Variants in LRRC28 observed in about 807,000 individuals in gnomAD.
The protein encoded by LRRC28 is leucine-rich repeat-containing protein 28.
In LRRC28, 39 loss-of-function variants were observed where a neutral mutation model predicts 45.7. The ratio of observed to expected loss-of-function variants is 0.85; its 90% CI spans 0.66 to 1.12. The LOEUF (loss-of-function observed/expected upper bound fraction) is 1.12. Among genes scored for constraint, LRRC28 ranks in the 50% most tolerant of loss-of-function variants. The pLI, the probability that LRRC28 is intolerant of heterozygous loss-of-function variation, is 0.00. For missense variants in LRRC28, 435 were observed against 438.5 expected (o/e 0.99, Z 0.07); for synonymous variants, 206 against 178.8 (o/e 1.15, Z -1.22).
At chr15:99,343,811 C>T (rs888538318) in intron 6 of LRRC28, among the ~76,000 whole-genome samples, 9 of 152,126 alleles carry the variant, frequency 5.9e-5, no homozygotes, top group African/African-American at 2.2e-4. Context: ...GGTTTTTTAT[C>T]TTAAGAATAT....
intron 7 of LRRC28, among the ~76,000 whole-genome samples, chr15:99,357,692 AT>A (rs1184880891): frequency 6.6e-6 from 1 of 152,180 alleles, no homozygotes; most frequent in African/African-American, 2.4e-5. Flanking sequence ...ATATGATTAT[AT>A]TTTTAAATAA....
chr15:99,329,031 T>C (rs1443407056), intron 5 of LRRC28, among the ~76,000 whole-genome samples: 3 of 152,130 alleles, frequency 2.0e-5, no homozygotes, highest in African/African-American at 4.8e-5. Context: ...ACATATCTTA[T>C]TGGTTCTGTC....
At chr15:99,377,389 G>C (rs1482003347) in intron 9 of LRRC28, among the ~76,000 whole-genome samples, 1 of 152,102 alleles carries the variant, frequency 6.6e-6, no homozygotes, top group Non-Finnish European at 1.5e-5. Flanking sequence ...TTTTTGATGG[G>C]TCTGTTTTTT....
chr15:99,320,147 A>T (rs147514371), intron 5 of LRRC28, among the ~76,000 whole-genome samples: 73 of 152,302 alleles, frequency 4.8e-4, no homozygotes, highest in African/African-American at 1.6e-3. Context: ...ATATTTAATT[A>T]TCTTTTATAA....
At chr15:99,380,958 C>G (rs948703067) in intron 9 of LRRC28, among the ~76,000 whole-genome samples, 1 of 152,170 alleles carries the variant, frequency 6.6e-6, no homozygotes, top group African/African-American at 2.4e-5. Context: ...TCTGGCTGCC[C>G]TTAACATTTT....
chr15:99,347,128 A>G (rs1956709052), intron 6 of LRRC28, among the ~76,000 whole-genome samples: 1 of 151,866 alleles, frequency 6.6e-6, no homozygotes. Context: ...TGTTCATCCT[A>G]TATGTCTGCT....
chr15:99,367,879 T>C (rs1430615839), intron 9 of LRRC28, among the ~76,000 whole-genome samples: 1 of 152,000 alleles, frequency 6.6e-6, no homozygotes, highest in Non-Finnish European at 1.5e-5. Context: ...CCCCCTCCCC[T>C]CCCCAAAGGT....
chr15:99,360,627 A>G (rs114607507), intron 7 of LRRC28, among the ~76,000 whole-genome samples: 3,325 of 152,266 alleles, frequency 0.022, 113 homozygotes, highest in African/African-American at 0.075. Flanking sequence ...TTCAGAGCCA[A>G]GGTTTGTTGG....
chr15:99,306,926 C>T (rs1200829747), intron 5 of LRRC28, among the ~76,000 whole-genome samples: 3 of 152,300 alleles, frequency 2.0e-5, no homozygotes, highest in East Asian at 1.9e-4. Flanking sequence ...TGGTCCTTTT[C>T]GGGTCCATTG....
chr15:99,263,631 C>T (rs1293301999), intron 2 of LRRC28, among the ~76,000 whole-genome samples: 1 of 152,166 alleles, frequency 6.6e-6, no homozygotes, highest in Non-Finnish European at 1.5e-5. Flanking sequence ...CGTTCTGTAC[C>T]TTCACTGCCT....
chr15:99,304,811 A>G (rs374890541), intron 5 of LRRC28, among the ~76,000 whole-genome samples: 14 of 152,174 alleles, frequency 9.2e-5, no homozygotes, highest in Non-Finnish European at 1.3e-4. Context: ...CTGAAAGACT[A>G]TTTATTAAAG....
rs375897276 is a variant in LRRC28, at chr15:99,316,120, G to A, written c.386-17803G>A. Among the ~76,000 whole-genome samples, 33 of 152,082 alleles carry A rather than the reference G, an allele frequency of 2.2e-4. 1 individual carries two copies. Among genetic ancestry groups the A allele is most frequent in the Non-Finnish European group, 1.5e-5 (1 of 67,992 alleles). On this transcript the variant is annotated intron_variant, in intron 5 of 9. Coordinates refer to ENST00000301981, the MANE Select transcript of LRRC28 (RefSeq NM_144598.5). The stretch of plus-strand genomic sequence containing the variant: ...ACATTTAGATATTAATGCTATATTG[G>A]CTCAACCAGTAAGCCTTTTATAAAG...
At chr15:99,251,857 T>C (rs970063522) in intron 1 of LRRC28, 18 of 152,254 alleles carry the variant, frequency 1.2e-4, no homozygotes, top group African/African-American at 3.4e-4. Context: ...CCTAAGACTC[T>C]GCCAGTGTTT....
At chr15:99,308,502 C>G (rs1006773451) in intron 5 of LRRC28, among the ~76,000 whole-genome samples, 1 of 152,012 alleles carries the variant, frequency 6.6e-6, no homozygotes, top group Non-Finnish European at 1.5e-5. Flanking sequence ...CTTGTCTCTA[C>G]AAAAGATAAA....
intron 5 of LRRC28, among the ~76,000 whole-genome samples, chr15:99,321,161 T>G (rs556748948): frequency 6.6e-6 from 1 of 152,270 alleles, no homozygotes; most frequent in African/African-American, 2.4e-5. Flanking sequence ...CTAGAATCCA[T>G]GAAAAAATTC....
At chr15:99,310,257 G>A (rs576165664) in intron 5 of LRRC28, among the ~76,000 whole-genome samples, 9 of 152,262 alleles carry the variant, frequency 5.9e-5, no homozygotes, top group African/African-American at 2.2e-4. Flanking sequence ...ATTTTTCAGG[G>A]TAACTGAATA....
At chr15:99,273,771 C>A (rs1371331189) in intron 2 of LRRC28, among the ~76,000 whole-genome samples, 1 of 152,184 alleles carries the variant, frequency 6.6e-6, no homozygotes, top group Non-Finnish European at 1.5e-5. Context: ...AAGTAGACAT[C>A]CAGAAAGAAT....
chr15:99,374,525 A>G (rs1957569747), intron 9 of LRRC28, among the ~76,000 whole-genome samples: 1 of 152,170 alleles, frequency 6.6e-6, no homozygotes, highest in Non-Finnish European at 1.5e-5. Context: ...TGCATAGAAA[A>G]TCATGTCATG....
chr15:99,261,426 G>A (rs919006438), intron 2 of LRRC28, among the ~76,000 whole-genome samples: 2 of 152,118 alleles, frequency 1.3e-5, no homozygotes, highest in Non-Finnish European at 2.9e-5. Context: ...CTGGAGTTGG[G>A]GAAGTACAAG....
Sources: allele counts gnomAD v4.1 joint callset (sites outside exome capture counted in the v4.1 genomes callset), GRCh38; gene constraint gnomAD v4.1.1; transcripts MANE v1.5; gene names NCBI Gene and HGNC (gene_info 2026-07-23, HGNC 2026-07-21).